Variants in KCNQ5 observed in about 807,000 individuals in gnomAD.
KCNQ5 encodes the protein potassium voltage-gated channel subfamily KQT member 5.
In KCNQ5, 30 loss-of-function variants were observed where a neutral mutation model predicts 98.2. The observed-to-expected ratio is 0.31, with a 90% CI of 0.23 to 0.41. The LOEUF is 0.41. Among genes scored for constraint, KCNQ5 ranks in the 10% least tolerant of loss-of-function variants. The pLI is 1.00. For missense variants in KCNQ5, 835 were observed against 1,182.5 expected (o/e 0.71, Z 4.31); for synonymous variants, 458 against 449.4 (o/e 1.02, Z -0.24).
intron 2 of KCNQ5, among the ~76,000 whole-genome samples, chr6:73,038,562 T>C (rs1375436083): frequency 6.6e-6 from 1 of 151,774 alleles, no homozygotes; most frequent in African/African-American, 2.4e-5. Flanking sequence ...TTGCCAAGAG[T>C]TTTTTTTAAT....
chr6:73,157,399 G>C, intron 10 of KCNQ5: 1 of 585,330 alleles, frequency 1.7e-6, no homozygotes, highest in Non-Finnish European at 3.1e-6. Flanking sequence ...CAATTTCTGG[G>C]GGGCAGCGGC....
At chr6:72,898,426 T>C (rs530290979) in intron 1 of KCNQ5, among the ~76,000 whole-genome samples, 1 of 152,290 alleles carries the variant, frequency 6.6e-6, no homozygotes, top group Admixed American at 6.5e-5. Flanking sequence ...ACATGTGGTG[T>C]TTGGTTTTCT....
At chr6:72,819,638 C>T (rs17798693) in intron 1 of KCNQ5, among the ~76,000 whole-genome samples, 4,590 of 152,262 alleles carry the variant, frequency 0.03, 102 homozygotes, top group Middle Eastern at 0.048. Flanking sequence ...CATGCCCTTG[C>T]TCCAGGAAAA....
chr6:73,003,062 GTT>G (rs77297471), intron 1 of KCNQ5, among the ~76,000 whole-genome samples: 1 of 149,736 alleles, frequency 6.7e-6, no homozygotes, highest in African/African-American at 2.4e-5. Flanking sequence ...AATAGCTCAG[GTT>G]TTTTTTTTAA....
At chr6:73,042,095 G>T in intron 3 of KCNQ5, 33 bp downstream of exon 3, 1 of 1,612,290 alleles carries the variant, frequency 6.2e-7, no homozygotes, top group Non-Finnish European at 8.5e-7. Context: ...CCTGGACTAT[G>T]ACACCAACAT....
intron 1 of KCNQ5, among the ~76,000 whole-genome samples, chr6:72,710,695 G>A (rs1341578279): frequency 6.6e-6 from 1 of 152,162 alleles, no homozygotes; most frequent in East Asian, 1.9e-4. Flanking sequence ...ATGTAAAGCA[G>A]ACATGAAGAG....
intron 2 of KCNQ5, among the ~76,000 whole-genome samples, chr6:73,012,628 ATTACATATATT>A (rs1770122367): frequency 6.6e-6 from 1 of 152,072 alleles, no homozygotes; most frequent in African/African-American, 2.4e-5. Context: ...TAAATTTTAT[ATTACATATATT>A]TTACCACAAT....
chr6:73,106,737 A>G (rs943676072), intron 6 of KCNQ5, among the ~76,000 whole-genome samples: 1 of 152,222 alleles, frequency 6.6e-6, no homozygotes, highest in African/African-American at 2.4e-5. Flanking sequence ...GGACTTCAAC[A>G]TATGAATTTT....
chr6:73,121,347 A>G (rs879807263), intron 8 of KCNQ5, among the ~76,000 whole-genome samples: 237 of 152,182 alleles, frequency 1.6e-3, no homozygotes, highest in Non-Finnish European at 2.5e-3. Context: ...AAAAAAAAAA[A>G]AAAGGGCTTA....
intron 1 of KCNQ5, among the ~76,000 whole-genome samples, chr6:72,674,553 T>C (rs1195537711): frequency 6.6e-6 from 1 of 152,168 alleles, no homozygotes; most frequent in African/African-American, 2.4e-5. Flanking sequence ...GGCAGATCAC[T>C]TGAGCTCAGG....
At chr6:72,829,418 T>A (rs1330369972) in intron 1 of KCNQ5, among the ~76,000 whole-genome samples, 1 of 150,838 alleles carries the variant, frequency 6.6e-6, no homozygotes, top group Non-Finnish European at 1.5e-5. Context: ...TTTACCACAG[T>A]GTTGAAAGTG....
chr6:72,744,457 A>T (rs751464516), intron 1 of KCNQ5, among the ~76,000 whole-genome samples: 13 of 152,134 alleles, frequency 8.5e-5, no homozygotes, highest in Non-Finnish European at 1.8e-4. Context: ...TTTTCACAAT[A>T]TATGTACTAT....
chr6:73,135,736 A>T (rs1312201141), intron 10 of KCNQ5: 1 of 152,258 alleles, frequency 6.6e-6, no homozygotes, highest in Non-Finnish European at 1.5e-5. Flanking sequence ...ATAACAAAGT[A>T]CTAGATGCCT....
In KCNQ5 at chr6:73,072,526, G is replaced by A. The variant is rs554703431; in HGVS notation, c.617-4796G>A. Among the ~76,000 whole-genome samples the A allele has an allele frequency of 3.3e-5, 5 of 152,300 alleles. No homozygotes were observed. The East Asian group carries it at 9.7e-4, about 29-fold the overall frequency. On this transcript the variant is annotated intron_variant, in intron 3 of 13. Coordinates refer to ENST00000370398, the MANE Select transcript of KCNQ5 (RefSeq NM_019842.4). Reference sequence around the variant, plus strand: ...ATAATGAAGGCTTTTTGGTATTTCAGTGACTAACACCTTTTAGACAGGGTC... The same window carrying A: ...ATAATGAAGGCTTTTTGGTATTTCAATGACTAACACCTTTTAGACAGGGTC...
At chr6:73,093,996 G>A (rs151318092) in intron 5 of KCNQ5, among the ~76,000 whole-genome samples, 10 of 152,262 alleles carry the variant, frequency 6.6e-5, no homozygotes, top group African/African-American at 2.2e-4. Context: ...AGTGCTGTCA[G>A]TGGAGTATTG....
chr6:72,884,611 G>C (rs978616397), intron 1 of KCNQ5, among the ~76,000 whole-genome samples: 2 of 134,114 alleles, frequency 1.5e-5, no homozygotes, highest in African/African-American at 3.0e-5. Flanking sequence ...AAAATTCAAA[G>C]AATAAAATAC....
intron 1 of KCNQ5, chr6:72,806,709 A>G (rs1314211565): frequency 2.5e-6 from 1 of 394,092 alleles, no homozygotes; most frequent in Non-Finnish European, 4.9e-6. Context: ...TGTCTTCTGC[A>G]TTTCCCATAT....
At chr6:73,153,464 A>G (rs1301494115) in intron 10 of KCNQ5, among the ~76,000 whole-genome samples, 1 of 152,126 alleles carries the variant, frequency 6.6e-6, no homozygotes, top group South Asian at 2.1e-4. Context: ...GCATCTTTGT[A>G]TGTGTGTGTG....
intron 7 of KCNQ5, 21 bp from the exon 8 acceptor site, chr6:73,120,462 C>G (rs899854714): frequency 1.9e-6 from 3 of 1,542,996 alleles, no homozygotes; most frequent in South Asian, 2.3e-5. Flanking sequence ...TTTTTCATGT[C>G]CCCATCTATG....
Sources: allele counts gnomAD v4.1 joint callset (sites outside exome capture counted in the v4.1 genomes callset), GRCh38; gene constraint gnomAD v4.1.1; transcripts MANE v1.5; gene names NCBI Gene and HGNC (gene_info 2026-07-23, HGNC 2026-07-21).